MYOF: variants seen among roughly 807,000 people sequenced by gnomAD.
MYOF encodes the protein myoferlin.
Under a neutral mutation model 284.2 loss-of-function variants are expected in MYOF, and 244 were observed. That is an observed-to-expected ratio of 0.86 (90% CI 0.77 to 0.95). The LOEUF is 0.95. Among genes scored for constraint, MYOF ranks in the 40% least tolerant of loss-of-function variants. The pLI is 0.00. For missense variants in MYOF, 2,496 were observed against 2,560.6 expected, an observed-to-expected ratio of 0.97 and a Z score of 0.54; for synonymous variants, 904 against 919.7, an observed-to-expected ratio of 0.98 and a Z score of 0.31.
At position 93,326,024 on chromosome 10, in the gene MYOF, T is replaced by G. The variant is rs1843030881; in HGVS notation, c.5132-59A>C. Reference sequence around the variant, plus strand: ...GTATTTGGGAATAGTTCAGCCAGATTGCCTAGAGCTGCTTCCAGCACTTCA... The same window carrying G: ...GTATTTGGGAATAGTTCAGCCAGATGGCCTAGAGCTGCTTCCAGCACTTCA... On this transcript the variant is annotated intron_variant, in intron 45 of 53. Coordinates refer to ENST00000359263, the MANE Select transcript of MYOF (RefSeq NM_013451.4). 5 of 1,603,340 alleles carry G rather than the reference T, an allele frequency of 3.1e-6. No homozygotes were observed. The Admixed American group carries it at 8.5e-5, about 27-fold the overall frequency.
intron 29 of MYOF, among the ~76,000 whole-genome samples, chr10:93,357,157 GCTTT>G (rs911609458): frequency 2.6e-5 from 4 of 152,074 alleles, no homozygotes; most frequent in East Asian, 1.9e-4. Context: ...TTCTCAAATT[GCTTT>G]CTGTTTCCTC....
chr10:93,383,398 AC>A (rs1846216051), intron 19 of MYOF, among the ~76,000 whole-genome samples: 1 of 152,098 alleles, frequency 6.6e-6, no homozygotes, highest in Non-Finnish European at 1.5e-5. Context: ...GTCTCTCTAA[AC>A]ACTGGTTTGT....
At chr10:93,361,895 G>T (rs1004460602) in intron 27 of MYOF, among the ~76,000 whole-genome samples, 10 of 152,154 alleles carry the variant, frequency 6.6e-5, no homozygotes, top group African/African-American at 1.7e-4. Flanking sequence ...TTTATGAGGG[G>T]TTACATGGGA....
rs1845205122 is a variant in MYOF, at chr10:93,363,999, C to T, written c.2830G>A (p.Gly944Ser). Residue 944 changes from glycine to serine, a missense_variant, in exon 27 of 54, where the codon GGC (glycine) becomes AGC (serine). By Grantham distance (56) the Gly-to-Ser change is moderately conservative (BLOSUM62 0). Transcript: ENST00000359263. ...GTGTCCTCGGCCGGCTTCCAGTCGC[C>T]CCCGGGGTAGCGGCTCTCGTTCTGA... ...VYQNESRYPGGDWKPAEDTYT... is the reference protein window; with the variant it reads ...VYQNESRYPGSDWKPAEDTYT... 5 of 1,614,190 alleles carry T rather than the reference C, an allele frequency of 3.1e-6. No individual in the cohort carries two copies. The highest frequency in any genetic ancestry group is 4.2e-6 in the Non-Finnish European group (5 of 1,180,038).
intron 5 of MYOF, among the ~76,000 whole-genome samples, chr10:93,421,572 C>T (rs1036042092): frequency 1.3e-5 from 2 of 152,150 alleles, no homozygotes; most frequent in Non-Finnish European, 2.9e-5. Context: ...GGGGTGGATC[C>T]CTCCTGAAAG....
chr10:93,432,716 A>G (rs1848929678), intron 3 of MYOF, among the ~76,000 whole-genome samples: 1 of 152,050 alleles, frequency 6.6e-6, no homozygotes, highest in African/African-American at 2.4e-5. Flanking sequence ...TTACCCATCT[A>G]TCTCCTATCA....
In MYOF at chr10:93,449,355, T is replaced by C. The variant is rs765211977; in HGVS notation, c.236+2695A>G. 2.6e-5 allele frequency among the ~76,000 whole-genome samples: 4 copies of C among 152,256 alleles called. No homozygotes were observed. In the South Asian group the frequency reaches 6.2e-4, roughly 24 times the overall value. On this transcript the variant is annotated intron_variant, in intron 3 of 53. Transcript: ENST00000359263. ...TAAATTGCATGTGCACCCTGCACTG[T>C]ATTTCTGTTGGAGAGGCCTGGTCTA... is the stretch of plus-strand genomic sequence containing the variant.
chr10:93,312,018 T>G (rs1424766057), intron 51 of MYOF, among the ~76,000 whole-genome samples: 1 of 152,190 alleles, frequency 6.6e-6, no homozygotes, highest in African/African-American at 2.4e-5. Context: ...TTGATTATGG[T>G]TCAGTGAGTG....
chr10:93,404,112 G>A (rs759736627), intron 8 of MYOF, 39 bp from the exon 9 acceptor site: 1 of 1,613,816 alleles, frequency 6.2e-7, no homozygotes, highest in Non-Finnish European at 8.5e-7. Flanking sequence ...GATTGGCTTT[G>A]CCTGGCAGTG....
chr10:93,399,125 A>C (rs1847159285), intron 13 of MYOF, among the ~76,000 whole-genome samples: 1 of 152,194 alleles, frequency 6.6e-6, no homozygotes. Context: ...CCTGAAAAGC[A>C]ATTCCAGAAA....
intron 19 of MYOF, among the ~76,000 whole-genome samples, chr10:93,386,863 C>A (rs1216799939): frequency 1.3e-5 from 2 of 152,188 alleles, no homozygotes; most frequent in Non-Finnish European, 2.9e-5. Context: ...AAGGCCCTGG[C>A]TCGCTGGAGA....
chr10:93,310,691 A>G (rs747201323), intron 51 of MYOF, 48 bp from the exon 52 acceptor site: 32 of 1,552,060 alleles, frequency 2.1e-5, no homozygotes, highest in Middle Eastern at 3.4e-4. Context: ...TGTTTCACAA[A>G]TATTTTTACT....
chr10:93,385,734 GCTGT>G (rs977231323), intron 19 of MYOF, among the ~76,000 whole-genome samples: 9 of 152,004 alleles, frequency 5.9e-5, no homozygotes, highest in Admixed American at 2.6e-4. Context: ...GAGCTATTTT[GCTGT>G]CTGTGTTTAA....
chr10:93,347,324 G>A (rs944678017), intron 37 of MYOF, among the ~76,000 whole-genome samples: 3 of 150,568 alleles, frequency 2.0e-5, no homozygotes, highest in Non-Finnish European at 3.0e-5. Flanking sequence ...AGGCCGAGGC[G>A]GGTGGATCAT....
At position 93,338,275 on chromosome 10, in the gene MYOF, G is replaced by A. The variant is rs1445778878; in HGVS notation, c.4339-362C>T. 6 of 455,246 alleles carry A rather than the reference G, an allele frequency of 1.3e-5. No homozygotes were observed. In the East Asian group the frequency reaches 2.0e-4, roughly 15 times the overall value. The allele number at this position is 455,246 out of a possible 1,614,324, so 28.2% of individuals were successfully genotyped here. On this transcript the variant is annotated intron_variant, in intron 39 of 53. Transcript: ENST00000359263. ...TAAATTTAAAGAAAACCTCCAATAT[G>A]TGTTTTCTACTATCTCATTTTCTTA...
chr10:93,440,421 A>AAT (rs34745885), intron 3 of MYOF, among the ~76,000 whole-genome samples: 25 of 151,704 alleles, frequency 1.6e-4, no homozygotes, highest in Admixed American at 8.5e-4. Context: ...GAAAAAAAAA[A>AAT]CCCCCAAAAC....
Position 93,374,878 on chromosome 10 carries a change from G to C in MYOF, c.2186C>G (p.Ser729Cys), listed in dbSNP as rs755002692. 5.0e-6 allele frequency: 8 copies of C among 1,614,162 alleles called. No homozygotes were observed. In the South Asian group the frequency reaches 8.8e-5, roughly 18 times the overall value. ...DTQIRKLRSR[S>C]LSQIHEAAVR... ...AGCCGCCTCATGTATTTGGGAGAGA[G>C]ACCTGGACCGCAGCTTTCGGATCTG... Residue 729 changes from serine to cysteine, a missense_variant, in exon 23 of 54, where the codon TCT (serine) becomes TGT (cysteine). Physicochemically the swap from Ser to Cys is moderately radical, Grantham distance 112 (BLOSUM62 -1). Transcript: ENST00000359263.
chr10:93,336,035 A>T lies in MYOF; in HGVS notation c.4449T>A (p.Cys1483Ter), dbSNP rs79155397. Reference protein sequence around the residue: ...KGYSKLKIYNCELENVAEFEG... With the variant: ...KGYSKLKIYN Reference sequence around the variant, plus strand: ...CAAATTCTGCTACATTTTCTAGTTCACAATTATATATCTGAAAACCACCAA... The same window carrying T: ...CAAATTCTGCTACATTTTCTAGTTCTCAATTATATATCTGAAAACCACCAA... The change falls in exon 41 of 54, where the codon TGT becomes TGA. Residue 1483 changes from cysteine to a stop codon, truncating the protein, a stop_gained. Coordinates refer to ENST00000359263, the MANE Select transcript of MYOF (RefSeq NM_013451.4). LOFTEE classifies it high-confidence loss of function. The T allele has an allele frequency of 1.2e-6, 2 of 1,613,672 alleles. No individual in the cohort carries two copies. Among genetic ancestry groups the T allele is most frequent in the Non-Finnish European group, 1.7e-6 (2 of 1,179,878 alleles).
chr10:93,434,495 A>G (rs1157759065), intron 3 of MYOF, among the ~76,000 whole-genome samples: 6 of 151,534 alleles, frequency 4.0e-5, no homozygotes, highest in African/African-American at 1.2e-4. Context: ...TTTTGCCTCC[A>G]GAGGGACAAT....
Sources: gnomAD v4.1 joint callset for allele counts (sites outside exome capture counted in the v4.1 genomes callset) on GRCh38, gnomAD v4.1.1 for gene constraint, MANE v1.5 for transcripts, NCBI Gene and HGNC (gene_info 2026-07-23, HGNC 2026-07-21) for gene names.